PCSK5: variants seen among roughly 807,000 people sequenced by gnomAD.
PCSK5 encodes prohormone convertase 5.
In PCSK5, 129 loss-of-function variants were observed where a neutral mutation model predicts 233.2. The observed-to-expected ratio is 0.55, with a 90% confidence interval of 0.48 to 0.64. PCSK5 has a LOEUF of 0.64. PCSK5 is among the 30% of genes least tolerant of loss of function. The pLI is 0.00. For synonymous variants in PCSK5, 825 were observed against 879.2 expected (o/e 0.94, Z 1.09); for missense variants, 2,076 against 2,430.1 (o/e 0.85, Z 3.06).
At chr9:76,209,575 C>T (rs547449503) in intron 20 of PCSK5, 7 of 511,398 alleles carry the variant, frequency 1.4e-5, no homozygotes, top group African/African-American at 7.7e-5. Context: ...TTTTAACTAT[C>T]GTGTCACTGC....
chr9:76,054,030 G>A (rs1829732097), intron 5 of PCSK5, among the ~76,000 whole-genome samples: 1 of 152,198 alleles, frequency 6.6e-6, no homozygotes, highest in Admixed American at 6.5e-5. Context: ...AGGTGAGGAG[G>A]AGCAAAGGAA....
At chr9:76,357,823 G>C (rs1352956126) in intron 37 of PCSK5, among the ~76,000 whole-genome samples, 1 of 152,268 alleles carries the variant, frequency 6.6e-6, no homozygotes, top group African/African-American at 2.4e-5. Context: ...TAATTTCTAA[G>C]GCCCCACATG....
chr9:76,012,779 C>G (rs967225450), intron 3 of PCSK5, among the ~76,000 whole-genome samples: 2 of 152,190 alleles, frequency 1.3e-5, no homozygotes, highest in African/African-American at 2.4e-5. Context: ...CAGATTTTGT[C>G]TCCAACTACT....
At chr9:75,898,607 C>T (rs1183790299) in intron 1 of PCSK5, among the ~76,000 whole-genome samples, 1 of 151,474 alleles carries the variant, frequency 6.6e-6, no homozygotes. Context: ...AGGGACAGTT[C>T]CCCAAAGGAA....
intron 15 of PCSK5, among the ~76,000 whole-genome samples, chr9:76,180,911 A>G (rs993104077): frequency 6.7e-6 from 1 of 149,822 alleles, no homozygotes; most frequent in Admixed American, 6.6e-5. Context: ...TTTTTTTTTA[A>G]GTGTTCTCAT....
chr9:75,891,665 C>T (rs908648215), intron 1 of PCSK5, among the ~76,000 whole-genome samples: 3 of 152,116 alleles, frequency 2.0e-5, no homozygotes, highest in Non-Finnish European at 4.4e-5. Context: ...GTGGTGGCTT[C>T]AGAGACGGCT....
chr9:75,969,770 C>T (rs1195591111), intron 2 of PCSK5, among the ~76,000 whole-genome samples: 1 of 152,094 alleles, frequency 6.6e-6, no homozygotes, highest in Admixed American at 6.6e-5. Context: ...ATTCATTGAT[C>T]TTCACTGTTT....
At chr9:75,942,926 C>T (rs1420225243) in intron 2 of PCSK5, among the ~76,000 whole-genome samples, 1 of 146,154 alleles carries the variant, frequency 6.8e-6, no homozygotes, top group Non-Finnish European at 1.5e-5. Flanking sequence ...GCTCTGTCAC[C>T]CACGCTGGAG....
chr9:75,967,758 T>C (rs1401105922), intron 2 of PCSK5, among the ~76,000 whole-genome samples: 1 of 75,828 alleles, frequency 1.3e-5, no homozygotes, highest in Non-Finnish European at 2.5e-5. Flanking sequence ...TCAAGGGCAG[T>C]GCCCAGCCTT....
At chr9:76,250,531 C>T (rs924445786) in intron 24 of PCSK5, among the ~76,000 whole-genome samples, 1 of 152,090 alleles carries the variant, frequency 6.6e-6, no homozygotes, top group Non-Finnish European at 1.5e-5. Context: ...AGTCTTTCTG[C>T]CAAAAAACCA....
chr9:75,973,548 G>A (rs1825889954), intron 2 of PCSK5, among the ~76,000 whole-genome samples: 1 of 152,152 alleles, frequency 6.6e-6, no homozygotes, highest in African/African-American at 2.4e-5. Flanking sequence ...CCACTGTGGG[G>A]ACTAGAGAAA....
Position 76,184,674 on chromosome 9 carries a change from G to A in PCSK5, c.2199G>A (p.Lys733=), listed in dbSNP as rs570288741. ...ACAACTTTCTCTTTTTTTTAACAGA[G>A]AAAAATCTTTGCCGGAAATGCAGTG... ...HCPDGSYQDT[K]KNLCRKCSEN... The change falls in exon 17 of 38, where the codon AAG becomes AAA. Residue 733 remains lysine, a splice_region_variant and synonymous_variant. Transcript: ENST00000674117. 4 of 1,601,956 alleles carry A rather than the reference G, an allele frequency of 2.5e-6. No homozygotes were observed. The East Asian group carries it at 9.0e-5, about 36-fold the overall frequency.
intron 2 of PCSK5, among the ~76,000 whole-genome samples, chr9:75,947,905 A>C (rs1009552782): frequency 6.6e-6 from 1 of 152,166 alleles, no homozygotes; most frequent in African/African-American, 2.4e-5. Context: ...GCAGTGGTAC[A>C]ATCACAGTTC....
chr9:76,145,495 A>G (rs931653608), intron 10 of PCSK5, among the ~76,000 whole-genome samples: 8 of 152,184 alleles, frequency 5.3e-5, no homozygotes, highest in African/African-American at 1.9e-4. Context: ...CATTTTTTCT[A>G]CCAAGGCATA....
intron 2 of PCSK5, among the ~76,000 whole-genome samples, chr9:75,932,816 T>A (rs1823870405): frequency 6.6e-6 from 1 of 152,116 alleles, no homozygotes. Flanking sequence ...TGTCTACCTA[T>A]TTGCATACAG....
At chr9:76,177,817 G>C (rs1346967037) in intron 14 of PCSK5, among the ~76,000 whole-genome samples, 1 of 152,104 alleles carries the variant, frequency 6.6e-6, no homozygotes, top group Non-Finnish European at 1.5e-5. Context: ...GACTATTATT[G>C]CATTATTATC....
chr9:76,240,112 T>G (rs1306632067), intron 23 of PCSK5, among the ~76,000 whole-genome samples: 1 of 152,254 alleles, frequency 6.6e-6, no homozygotes, highest in Non-Finnish European at 1.5e-5. Context: ...GGACTGTTAT[T>G]GCCCTGCTCT....
At chr9:75,994,356 T>C (rs2131410507) in intron 3 of PCSK5, among the ~76,000 whole-genome samples, 1 of 149,160 alleles carries the variant, frequency 6.7e-6, no homozygotes, top group East Asian at 2.0e-4. Context: ...CAGCTAGTTA[T>C]CCGCCTCCCA....
At chr9:76,018,019 A>AAAAAAAAAG (rs1563975083) in intron 3 of PCSK5, among the ~76,000 whole-genome samples, 6 of 150,938 alleles carry the variant, frequency 4.0e-5, no homozygotes, top group Non-Finnish European at 3.0e-5. Flanking sequence ...AAAAAAAAAA[A>AAAAAAAAAG]TGTGTGAGGG....
Sources: gnomAD v4.1 joint callset for allele counts (sites outside exome capture counted in the v4.1 genomes callset) on GRCh38, gnomAD v4.1.1 for gene constraint, MANE v1.5 for transcripts, NCBI Gene and HGNC (gene_info 2026-07-23, HGNC 2026-07-21) for gene names.